INSR: variants seen among roughly 807,000 people sequenced by gnomAD.
The protein encoded by INSR is IR.
INSR carries 67 observed loss-of-function variants against 142.6 expected under a neutral mutation model. The ratio of observed to expected loss-of-function variants is 0.47; its 90% confidence interval spans 0.39 to 0.58. The LOEUF (loss-of-function observed/expected upper bound fraction) is 0.58, where lower values mean the gene tolerates loss of function less well. Among genes scored for constraint, INSR ranks in the 20% least tolerant of loss-of-function variants. INSR has a pLI of 0.00. For missense variants in INSR, 1,248 were observed against 1,833.2 expected, an observed-to-expected ratio of 0.68 and a Z score of 5.83; for synonymous variants, 756 against 743.1, an observed-to-expected ratio of 1.02 and a Z score of -0.28.
At chr19:7,259,052 T>C (rs1291536311) in intron 2 of INSR, among the ~76,000 whole-genome samples, 2 of 138,990 alleles carry the variant, frequency 1.4e-5, no homozygotes, top group Non-Finnish European at 1.6e-5. Context: ...TTCCTTTCTT[T>C]CTTCCTTCCT....
intron 2 of INSR, among the ~76,000 whole-genome samples, chr19:7,187,953 C>T (rs1408041618): frequency 6.6e-6 from 1 of 152,128 alleles, no homozygotes; most frequent in Non-Finnish European, 1.5e-5. Context: ...AGCCAACTCC[C>T]TACAGGCCTT....
intron 17 of INSR, among the ~76,000 whole-genome samples, chr19:7,124,149 G>T (rs1055384404): frequency 6.6e-6 from 1 of 151,440 alleles, no homozygotes; most frequent in African/African-American, 2.4e-5. Context: ...GGATCACGAG[G>T]TCAGGAGTTC....
At chr19:7,190,533 A>T (rs748003783) in intron 2 of INSR, among the ~76,000 whole-genome samples, 2 of 151,926 alleles carry the variant, frequency 1.3e-5, no homozygotes, top group Non-Finnish European at 2.9e-5. Context: ...CATCACGCCC[A>T]GCTAATTTTT....
chr19:7,218,494 T>C (rs952896586), intron 2 of INSR, among the ~76,000 whole-genome samples: 1 of 152,036 alleles, frequency 6.6e-6, no homozygotes, highest in Non-Finnish European at 1.5e-5. Context: ...GTTTTTTGTT[T>C]TGTTGGTTTT....
chr19:7,206,111 C>CA (rs1432094771), intron 2 of INSR, among the ~76,000 whole-genome samples: 1 of 152,170 alleles, frequency 6.6e-6, no homozygotes, highest in Non-Finnish European at 1.5e-5. Flanking sequence ...ATAGCACTCA[C>CA]AACTTCCTTT....
At chr19:7,278,253 G>GAAAC (rs1968116435) in intron 1 of INSR, among the ~76,000 whole-genome samples, 1 of 152,164 alleles carries the variant, frequency 6.6e-6, no homozygotes, top group African/African-American at 2.4e-5. Context: ...GGACTGTGAT[G>GAAAC]AAACCCTCAT....
chr19:7,184,772 C>T (rs1317660757), intron 2 of INSR, 135 bp from the exon 3 acceptor site: 1 of 591,524 alleles, frequency 1.7e-6, no homozygotes, highest in Non-Finnish European at 2.5e-6. Flanking sequence ...GCCAACCAAA[C>T]ACTAACAGTA....
At chr19:7,258,652 G>A (rs1015988902) in intron 2 of INSR, among the ~76,000 whole-genome samples, 1 of 149,004 alleles carries the variant, frequency 6.7e-6, no homozygotes, top group African/African-American at 2.5e-5. Context: ...AGGCTGTGAT[G>A]GGATCCCCTA....
At chr19:7,264,282 G>A (rs1421711450) in intron 2 of INSR, among the ~76,000 whole-genome samples, 2 of 151,962 alleles carry the variant, frequency 1.3e-5, no homozygotes, top group African/African-American at 4.8e-5. Context: ...GCAGTGAGCC[G>A]AGATTGTGCC....
intron 2 of INSR, among the ~76,000 whole-genome samples, chr19:7,259,251 T>C (rs1443056167): frequency 6.6e-6 from 1 of 151,622 alleles, no homozygotes; most frequent in Non-Finnish European, 1.5e-5. Flanking sequence ...ATGACATCTA[T>C]AAGACACAAA....
At chr19:7,153,021 A>ACACCCCCCC in intron 9 of INSR, 94 bp from the exon 10 acceptor site, 1 of 483,026 alleles carries the variant, frequency 2.1e-6, no homozygotes. Flanking sequence ...CACCACACAC[A>ACACCCCCCC]CACACCACAC....
At chr19:7,147,363 A>G (rs1568444418) in intron 11 of INSR, among the ~76,000 whole-genome samples, 2 of 151,844 alleles carry the variant, frequency 1.3e-5, no homozygotes, top group Non-Finnish European at 2.9e-5. Flanking sequence ...TTAGTAGAGA[A>G]GGGGTTTCAC....
chr19:7,153,320 C>CA (rs1973476995), intron 9 of INSR, among the ~76,000 whole-genome samples: 2 of 2,992 alleles, frequency 6.7e-4, no homozygotes, highest in Non-Finnish European at 1.2e-3. Flanking sequence ...ATCACACACA[C>CA]ACCACACACA....
chr19:7,254,703 C>T (rs1002993928), intron 2 of INSR, among the ~76,000 whole-genome samples: 5 of 152,174 alleles, frequency 3.3e-5, no homozygotes, highest in Non-Finnish European at 7.3e-5. Flanking sequence ...CACTGAAGGA[C>T]CTGGGCTGCC....
At chr19:7,161,950 AG>A (rs1973759550) in intron 9 of INSR, among the ~76,000 whole-genome samples, 2 of 152,064 alleles carry the variant, frequency 1.3e-5, no homozygotes, top group South Asian at 2.1e-4. Flanking sequence ...TGGGAGGCTG[AG>A]GGGGGTGAAT....
chr19:7,231,309 T>G (rs1210957321), intron 2 of INSR, among the ~76,000 whole-genome samples: 1 of 150,194 alleles, frequency 6.7e-6, no homozygotes, highest in Non-Finnish European at 1.5e-5. Flanking sequence ...TTTTTTTTTT[T>G]TTTTTTTTTG....
rs190328451 is a variant in INSR at position 7,257,735 on chromosome 19, G to A, written c.652+9610C>T. ...GGAAGGAAAGAGGGAAGGAAGGAAG[G>A]AAGTACCAGCAAAGGGCAGCTGGGC... On this transcript the variant is annotated intron_variant, in intron 2 of 21. Coordinates refer to ENST00000302850, the MANE Select transcript of INSR (RefSeq NM_000208.4). Among the ~76,000 whole-genome samples the A allele has an allele frequency of 2.3e-3, 344 of 152,032 alleles. 1 individual carries two copies. The highest frequency in any genetic ancestry group is 7.7e-3 in the African/African-American group (319 of 41,514).
At chr19:7,262,356 G>A (rs113898763) in intron 2 of INSR, among the ~76,000 whole-genome samples, 9,896 of 152,118 alleles carry the variant, frequency 0.065, 392 homozygotes, top group Middle Eastern at 0.13. Context: ...CCCGTAATCC[G>A]AGCCACGCGG....
chr19:7,200,835 G>A (rs1335527926), intron 2 of INSR, among the ~76,000 whole-genome samples: 1 of 144,308 alleles, frequency 6.9e-6, no homozygotes, highest in Non-Finnish European at 1.5e-5. Context: ...ACTCCAGCCT[G>A]GGTAACAGAG....
Sources: gnomAD v4.1 joint callset for allele counts (sites outside exome capture counted in the v4.1 genomes callset) on GRCh38, gnomAD v4.1.1 for gene constraint, MANE v1.5 for transcripts, NCBI Gene and HGNC (gene_info 2026-07-23, HGNC 2026-07-21) for gene names.